APBA2: variants seen among roughly 807,000 people sequenced by gnomAD.
APBA2 encodes amyloid-beta A4 precursor protein-binding family A member 2.
Under a neutral mutation model 75.0 loss-of-function variants are expected in APBA2, and 30 were observed. The ratio of observed to expected loss-of-function variants is 0.40; its 90% CI spans 0.30 to 0.54. APBA2 has a LOEUF of 0.54. Ranked by LOEUF, APBA2 falls within the 20% of genes least tolerant of loss-of-function variation. The probability of loss-of-function intolerance (pLI) is 0.49; values close to 1 mark genes in which losing one functional copy is unlikely to be tolerated. For synonymous variants in APBA2, 444 were observed against 409.6 expected, an observed-to-expected ratio of 1.08 and a Z score of -1.01; for missense variants, 801 against 1,016.1, an observed-to-expected ratio of 0.79 and a Z score of 2.88.
intron 11 of APBA2, 21 bp downstream of exon 11, chr15:29,105,579 T>A: frequency 6.2e-7 from 1 of 1,612,360 alleles, no homozygotes; most frequent in Non-Finnish European, 8.5e-7. Flanking sequence ...CCCACCAGCC[T>A]CAGGGAGGCC....
intron 1 of APBA2, among the ~76,000 whole-genome samples, chr15:28,901,804 A>G (rs1452832203): frequency 6.6e-6 from 1 of 151,934 alleles, no homozygotes; most frequent in Non-Finnish European, 1.5e-5. Context: ...ACGTCTCAGG[A>G]GTGAGCATTC....
At chr15:28,943,681 C>T (rs1036088188) in intron 2 of APBA2, among the ~76,000 whole-genome samples, 1 of 152,178 alleles carries the variant, frequency 6.6e-6, no homozygotes, top group Non-Finnish European at 1.5e-5. Flanking sequence ...TCTGGGCCTC[C>T]TCCATCAGGA....
At chr15:29,068,420 C>T (rs189593099) in intron 4 of APBA2, among the ~76,000 whole-genome samples, 16 of 152,360 alleles carry the variant, frequency 1.1e-4, no homozygotes, top group Admixed American at 5.2e-4. Flanking sequence ...TCCCTAGTTC[C>T]GCAGCACTGG....
At chr15:29,002,311 T>G (rs887000575) in intron 3 of APBA2, among the ~76,000 whole-genome samples, 4 of 152,046 alleles carry the variant, frequency 2.6e-5, no homozygotes, top group African/African-American at 9.7e-5. Context: ...ATAGCAGGGG[T>G]CTCCTGTATC....
chr15:29,081,591 T>C (rs1373335924), intron 6 of APBA2, among the ~76,000 whole-genome samples: 1 of 152,230 alleles, frequency 6.6e-6, no homozygotes, highest in Non-Finnish European at 1.5e-5. Context: ...TGGAAGCCAC[T>C]TACATTTCTT....
At chr15:29,115,670 T>TA (rs1047924420) in intron 14 of APBA2, among the ~76,000 whole-genome samples, 6 of 152,090 alleles carry the variant, frequency 3.9e-5, no homozygotes, top group African/African-American at 1.4e-4. Context: ...GAGTCGCTGA[T>TA]AAACAAGGCT....
At chr15:29,084,741 A>G (rs2043215046) in intron 6 of APBA2, among the ~76,000 whole-genome samples, 1 of 152,182 alleles carries the variant, frequency 6.6e-6, no homozygotes, top group South Asian at 2.1e-4. Flanking sequence ...TAGGTTGTCC[A>G]TCCGTCTCTT....
chr15:29,075,490 G>C (rs1437855901), intron 5 of APBA2, among the ~76,000 whole-genome samples: 1 of 151,914 alleles, frequency 6.6e-6, no homozygotes, highest in Non-Finnish European at 1.5e-5. Context: ...CCTGATTTGT[G>C]GTAACCAAAA....
chr15:29,076,898 G>A (rs2042875814), intron 6 of APBA2, among the ~76,000 whole-genome samples: 1 of 152,214 alleles, frequency 6.6e-6, no homozygotes, highest in Non-Finnish European at 1.5e-5. Flanking sequence ...AACAACTAAA[G>A]CCTGGGGAAC....
At chr15:29,062,934 A>G (rs2042196685) in intron 4 of APBA2, among the ~76,000 whole-genome samples, 1 of 130,462 alleles carries the variant, frequency 7.7e-6, no homozygotes, top group African/African-American at 2.8e-5. Flanking sequence ...CAGTGTCTGT[A>G]TGGGTGGGGA....
intron 2 of APBA2, among the ~76,000 whole-genome samples, chr15:28,988,591 T>A (rs1336808840): frequency 6.6e-6 from 1 of 152,196 alleles, no homozygotes. Flanking sequence ...TAACATTATG[T>A]TTGTGAGATT....
intron 3 of APBA2, among the ~76,000 whole-genome samples, chr15:29,007,836 A>C (rs2039202244): frequency 6.6e-6 from 1 of 152,234 alleles, no homozygotes; most frequent in Admixed American, 6.5e-5. Context: ...AAAAATTGAA[A>C]ATAGAATTGC....
intron 4 of APBA2, 33 bp from the exon 5 acceptor site, chr15:29,074,888 T>C (rs555920421): frequency 1.6e-4 from 255 of 1,607,174 alleles, no homozygotes; most frequent in Non-Finnish European, 2.1e-4. Flanking sequence ...CTCTAACATA[T>C]AAAATCACGA....
At chr15:28,943,377 G>A (rs1023214010) in intron 2 of APBA2, among the ~76,000 whole-genome samples, 4 of 152,170 alleles carry the variant, frequency 2.6e-5, no homozygotes, top group African/African-American at 9.7e-5. Context: ...GAGACTCCCC[G>A]GCTATTTGAC....
chr15:28,978,026 T>C (rs66751905), intron 2 of APBA2, among the ~76,000 whole-genome samples: 46,292 of 152,134 alleles, frequency 0.3, 11,646 homozygotes, highest in African/African-American at 0.67. Context: ...AAGCCAAACA[T>C]GGGGAAAACC....
chr15:29,106,762 C>T lies in APBA2; in HGVS notation c.1860C>T (p.Ser620=). The T allele has an allele frequency of 6.2e-7, 1 of 1,613,066 alleles. No individual in the cohort carries two copies. The highest frequency in any genetic ancestry group is 8.5e-7 in the Non-Finnish European group (1 of 1,180,008). ...GKLSIGDQIM[S]INGTSLVGLP... Reference sequence around the variant, plus strand: ...TGAGCATCGGGGACCAGATCATGTCCATCAATGGCACCAGCCTGGTGGGGC... The same window carrying T: ...TGAGCATCGGGGACCAGATCATGTCTATCAATGGCACCAGCCTGGTGGGGC... Residue 620 remains serine, a synonymous_variant, in exon 12 of 15, where the codon TCC becomes TCT. Transcript: ENST00000683413.
chr15:28,943,502 G>T (rs1267693834), intron 2 of APBA2, among the ~76,000 whole-genome samples: 1 of 152,240 alleles, frequency 6.6e-6, no homozygotes, highest in Admixed American at 6.5e-5. Flanking sequence ...GGCAAGTGCA[G>T]TTAATCCTGT....
chr15:29,112,824 A>G (rs140884351), intron 13 of APBA2, among the ~76,000 whole-genome samples: 3,880 of 152,142 alleles, frequency 0.026, 65 homozygotes, highest in Non-Finnish European at 0.038. Flanking sequence ...CCTCCTCCCC[A>G]ACAGGAACTT....
At chr15:29,087,348 G>A (rs577604130) in intron 6 of APBA2, among the ~76,000 whole-genome samples, 39 of 152,266 alleles carry the variant, frequency 2.6e-4, no homozygotes, top group East Asian at 1.5e-3. Flanking sequence ...AACTCTGTGC[G>A]TTTTCTTGAG....
Sources: allele counts gnomAD v4.1 joint callset (sites outside exome capture counted in the v4.1 genomes callset), GRCh38; gene constraint gnomAD v4.1.1; transcripts MANE v1.5; gene names NCBI Gene and HGNC (gene_info 2026-07-23, HGNC 2026-07-21).